HMGXB3: variants seen among roughly 807,000 people sequenced by gnomAD.
HMGXB3 encodes HMG domain-containing protein 3.
A neutral mutation model predicts 121.5 loss-of-function variants in HMGXB3; 45 were observed. That is an observed-to-expected ratio of 0.37 (90% CI 0.29 to 0.47). HMGXB3 has a LOEUF of 0.47. HMGXB3 is among the 20% of genes least tolerant of loss of function. The pLI, the probability that HMGXB3 is intolerant of heterozygous loss-of-function variation, is 0.99. For synonymous variants in HMGXB3, 590 were observed against 624.1 expected (o/e 0.95, Z 0.81); for missense variants, 1,376 against 1,602.2 (o/e 0.86, Z 2.41).
chr5:150,041,190 C>T (rs987804894), intron 14 of HMGXB3, among the ~76,000 whole-genome samples: 3 of 152,222 alleles, frequency 2.0e-5, no homozygotes, highest in Admixed American at 6.5e-5. Flanking sequence ...CACACAGCTC[C>T]TGGATATCTG....
chr5:150,012,523 T>G (rs1334826289), intron 5 of HMGXB3, among the ~76,000 whole-genome samples, 170 bp downstream of exon 5: 2 of 152,244 alleles, frequency 1.3e-5, no homozygotes, highest in African/African-American at 4.8e-5. Flanking sequence ...AGGGATTATG[T>G]GGTCCATATG....
chr5:150,011,585 T>A (rs1359450189), intron 4 of HMGXB3, among the ~76,000 whole-genome samples: 1 of 150,200 alleles, frequency 6.7e-6, no homozygotes, highest in East Asian at 1.9e-4. Flanking sequence ...TTGTTGTTGT[T>A]GTTGGTTGTT....
intron 2 of HMGXB3, among the ~76,000 whole-genome samples, chr5:150,005,669 C>T (rs1411003693): frequency 6.6e-6 from 1 of 151,236 alleles, no homozygotes; most frequent in East Asian, 1.9e-4. Flanking sequence ...TATATCTGTA[C>T]AGAATATCCA....
chr5:150,049,045 G>A (rs1457361226), intron 18 of HMGXB3, among the ~76,000 whole-genome samples: 27 of 152,230 alleles, frequency 1.8e-4, no homozygotes, highest in Admixed American at 1.8e-3. Context: ...GCCTAAGATA[G>A]AAAGTAACAG....
intron 17 of HMGXB3, among the ~76,000 whole-genome samples, 188 bp from the exon 18 acceptor site, chr5:150,048,381 A>G (rs1756810224): frequency 7.5e-6 from 1 of 133,692 alleles, no homozygotes; most frequent in South Asian, 2.1e-4. Context: ...CTGTGACCTA[A>G]TCCTTTCAGG....
chr5:150,014,348 A>G (rs1755913275), intron 5 of HMGXB3, among the ~76,000 whole-genome samples: 1 of 152,258 alleles, frequency 6.6e-6, no homozygotes, highest in Non-Finnish European at 1.5e-5. Flanking sequence ...CAGTTTAAAC[A>G]AACTGTGAGG....
intron 5 of HMGXB3, chr5:150,015,191 T>A (rs1755932060): frequency 3.7e-6 from 1 of 273,156 alleles, no homozygotes; most frequent in Non-Finnish European, 6.9e-6. Flanking sequence ...ATGGCCATGG[T>A]CACGTGTGTT....
intron 9 of HMGXB3, among the ~76,000 whole-genome samples, chr5:150,027,811 C>G (rs530877310): frequency 6.6e-6 from 1 of 152,280 alleles, no homozygotes; most frequent in South Asian, 2.1e-4. Context: ...CCTCGGCCTC[C>G]CAAAGTGCTG....
rs1260011333 is a variant in HMGXB3 at position 150,012,362 on chromosome 5, T to C, written c.909+9T>C. 6 of 1,536,372 alleles carry C rather than the reference T, an allele frequency of 3.9e-6. No individual in the cohort carries two copies. The East Asian group carries it at 1.2e-4, about 31-fold the overall frequency. On this transcript the variant is annotated intron_variant, in intron 5 of 19. Transcript: ENST00000502717. ...CCACCTCCATCAAACTGGTCAGTACTGTATGTGGGGGATTGATGGCAATTA... is the reference window on the plus strand; with the variant it reads ...CCACCTCCATCAAACTGGTCAGTACCGTATGTGGGGGATTGATGGCAATTA...
intron 17 of HMGXB3, 73 bp downstream of exon 17, chr5:150,047,830 A>T: frequency 6.7e-7 from 1 of 1,491,480 alleles, no homozygotes. Context: ...TAGGTCAGGG[A>T]TATGAATATC....
chr5:150,036,718 C>G lies in HMGXB3; in HGVS notation c.2066C>G (p.Thr689Arg). ...TAQREIQRQS[T>R]LQLLRKVLQI... ...CAGAGGGAGATCCAGCGCCAGTCCACACTGCAGCTGCTGCGCAAAGTCCTG... is the reference window on the plus strand; with the variant it reads ...CAGAGGGAGATCCAGCGCCAGTCCAGACTGCAGCTGCTGCGCAAAGTCCTG... Residue 689 changes from threonine (T) to arginine (R), a missense_variant, in exon 12 of 20, where the codon ACA becomes AGA. Physicochemically the swap from Thr to Arg is moderately conservative, Grantham distance 71 (BLOSUM62 -1). Transcript: ENST00000502717. The G allele has an allele frequency of 6.4e-7, 1 of 1,551,532 alleles. No homozygotes were observed. Among genetic ancestry groups the G allele is most frequent in the Non-Finnish European group, 8.7e-7 (1 of 1,146,994 alleles).
intron 15 of HMGXB3, among the ~76,000 whole-genome samples, chr5:150,044,512 A>G (rs955042768): frequency 3.9e-5 from 6 of 152,194 alleles, no homozygotes; most frequent in African/African-American, 1.2e-4. Context: ...AGAACTACAT[A>G]GGGCAGTGGT....
chr5:150,026,739 A>C lies in HMGXB3; in HGVS notation c.1494A>C (p.Pro498=). The C allele has an allele frequency of 6.4e-7, 1 of 1,551,442 alleles. No individual in the cohort carries two copies. Among genetic ancestry groups the C allele is most frequent in the Non-Finnish European group, 8.7e-7 (1 of 1,146,926 alleles). The part of the protein sequence containing the change: ...ADLLTPGSRA[P]ELKGRARGKP... ...TGCTTACCCCTGGGTCCAGAGCTCC[A>C]GAGCTTAAAGGCAGAGCACGGGGCA... is the stretch of plus-strand genomic sequence containing the variant. Residue 498 remains proline (P), a synonymous_variant, in exon 8 of 20, where the codon CCA becomes CCC. Coordinates refer to ENST00000502717, the MANE Select transcript of HMGXB3 (RefSeq NM_014983.3).
chr5:150,016,360 AAG>A (rs869126382), intron 5 of HMGXB3, among the ~76,000 whole-genome samples: 1 of 128,894 alleles, frequency 7.8e-6, no homozygotes, highest in Non-Finnish European at 1.7e-5. Flanking sequence ...AAAAAAAAAA[AAG>A]GAGGTGACAT....
At chr5:150,025,219 C>G (rs1323679943) in intron 7 of HMGXB3, among the ~76,000 whole-genome samples, 1 of 152,188 alleles carries the variant, frequency 6.6e-6, no homozygotes, top group Non-Finnish European at 1.5e-5. Context: ...AACATGCAAC[C>G]AAGTACCTTG....
At chr5:150,012,541 T>C (rs527273430) in intron 5 of HMGXB3, among the ~76,000 whole-genome samples, 188 bp downstream of exon 5, 1 of 152,306 alleles carries the variant, frequency 6.6e-6, no homozygotes, top group African/African-American at 2.4e-5. Context: ...ATGTTCTTAA[T>C]GGGGGTGAGG....
intron 1 of HMGXB3, among the ~76,000 whole-genome samples, chr5:150,004,057 A>T (rs899082120): frequency 4.0e-5 from 6 of 149,140 alleles, no homozygotes; most frequent in African/African-American, 1.5e-4. Context: ...TTTAATAGAG[A>T]TGGGGTCTCA....
rs773299398 is a variant in HMGXB3 at position 150,036,662 on chromosome 5, A to G, written c.2010A>G (p.Val670=). 6.5e-7 allele frequency: 1 copy of G among 1,549,220 alleles called. No homozygotes were observed. Among genetic ancestry groups the G allele is most frequent in the South Asian group, 1.2e-5 (1 of 83,914 alleles). The part of the protein sequence containing the change: ...AIEVSSPLPD[V]LNATEPLSTA... ...AGGTGAGCTCACCACTCCCAGATGT[A>G]CTGAATGCCACAGAGCCCCTGAGCA... The change falls in exon 12 of 20, where the codon GTA becomes GTG. Residue 670 remains valine (V), a synonymous_variant. Coordinates refer to ENST00000502717, the MANE Select transcript of HMGXB3 (RefSeq NM_014983.3).
intron 3 of HMGXB3, among the ~76,000 whole-genome samples, chr5:150,007,013 A>T (rs1441161050): frequency 6.6e-6 from 1 of 152,250 alleles, no homozygotes; most frequent in South Asian, 2.1e-4. Flanking sequence ...TTTTCATATT[A>T]CAGATTGAAT....
Sources: allele counts gnomAD v4.1 joint callset (sites outside exome capture counted in the v4.1 genomes callset), GRCh38; gene constraint gnomAD v4.1.1; transcripts MANE v1.5; gene names NCBI Gene and HGNC (gene_info 2026-07-23, HGNC 2026-07-21).